The following SDK1 variants were observed in gnomAD, a reference collection of about 807,000 sequenced individuals.
SDK1 encodes sidekick cell adhesion molecule 1.
In SDK1, 157 loss-of-function variants were observed where a neutral mutation model predicts 245.5. The observed-to-expected ratio is 0.64, with a 90% CI of 0.56 to 0.73. The LOEUF is 0.73. Among genes scored for constraint, SDK1 ranks in the 30% least tolerant of loss-of-function variants. SDK1 has a pLI of 0.00. For synonymous variants in SDK1, 1,647 were observed against 1,278.5 expected (o/e 1.29, Z -6.15); for missense variants, 3,583 against 3,002.3 (o/e 1.19, Z -4.52).
At chr7:3,393,235 G>C (rs1262350731) in intron 1 of SDK1, among the ~76,000 whole-genome samples, 3 of 151,982 alleles carry the variant, frequency 2.0e-5, no homozygotes, top group African/African-American at 7.3e-5. Flanking sequence ...GCCTCCCACA[G>C]TGCTGGGATT....
At chr7:3,439,275 C>T (rs1780124484) in intron 1 of SDK1, among the ~76,000 whole-genome samples, 1 of 152,134 alleles carries the variant, frequency 6.6e-6, no homozygotes, top group Admixed American at 6.6e-5. Flanking sequence ...CCTGAGTGAA[C>T]ATTTCATCTA....
At chr7:4,001,023 A>G (rs1366321945) in intron 14 of SDK1, among the ~76,000 whole-genome samples, 1 of 151,988 alleles carries the variant, frequency 6.6e-6, no homozygotes, top group Admixed American at 6.6e-5. Flanking sequence ...GGGGTCAGAG[A>G]GCCCAGGGTG....
chr7:3,304,774 A>C (rs1372552103), intron 1 of SDK1, among the ~76,000 whole-genome samples: 1 of 152,118 alleles, frequency 6.6e-6, no homozygotes, highest in East Asian at 1.9e-4. Flanking sequence ...ACACCTGCTG[A>C]CTTCCTGGAA....
At position 3,837,574 on chromosome 7, in the gene SDK1, T is replaced by C. The variant is rs73310064; in HGVS notation, c.847+15991T>C. Among the ~76,000 whole-genome samples, 442 of 152,326 alleles carry C rather than the reference T, an allele frequency of 2.9e-3. 4 individuals carry two copies. The highest frequency in any genetic ancestry group is 0.01 in the African/African-American group (422 of 41,572). On this transcript the variant is annotated intron_variant, in intron 5 of 44. Transcript: ENST00000404826. ...CTTGAGGTAAGTTGGGTGTTTGTGT[T>C]AGAAAACTTCCCATTTGGAGAGAAA...
At chr7:3,738,579 A>G (rs372842049) in intron 4 of SDK1, among the ~76,000 whole-genome samples, 2 of 152,220 alleles carry the variant, frequency 1.3e-5, no homozygotes, top group Admixed American at 6.5e-5. Context: ...AGAAAATGCC[A>G]TTAGGAATTT....
At chr7:4,066,927 T>C (rs1181007818) in intron 19 of SDK1, among the ~76,000 whole-genome samples, 1 of 152,244 alleles carries the variant, frequency 6.6e-6, no homozygotes, top group African/African-American at 2.4e-5. Context: ...ACTCATGTTT[T>C]AGACTCTCAG....
chr7:3,480,475 G>C (rs532288052), intron 1 of SDK1, among the ~76,000 whole-genome samples: 2 of 151,060 alleles, frequency 1.3e-5, no homozygotes, highest in Non-Finnish European at 3.0e-5. Flanking sequence ...TGCCTGCCTC[G>C]TGCACATACG....
intron 4 of SDK1, among the ~76,000 whole-genome samples, chr7:3,669,417 C>G (rs535746484): frequency 5.5e-4 from 84 of 152,256 alleles, no homozygotes; most frequent in Non-Finnish European, 1.0e-3. Context: ...CTTCTGCTCC[C>G]ACCAAAACAG....
chr7:3,821,335 C>A, intron 4 of SDK1, 115 bp from the exon 5 acceptor site: 1 of 1,216,022 alleles, frequency 8.2e-7, no homozygotes, highest in Non-Finnish European at 1.1e-6. Context: ...TTTGTCCTTC[C>A]AGCTCTTCTT....
At chr7:3,918,216 A>AC (rs966619890) in intron 5 of SDK1, among the ~76,000 whole-genome samples, 4 of 151,670 alleles carry the variant, frequency 2.6e-5, no homozygotes, top group Middle Eastern at 3.2e-3. Context: ...GGGGTTCCCA[A>AC]CCCCCCCAGC....
In SDK1 at chr7:3,441,187, T is replaced by C. The variant is rs376194846; in HGVS notation, c.298+139303T>C. ...ATTACAGTATGTTATAATTCTATTTTATTACTAGTTATTGTTAATATTTTA... is the reference window on the plus strand; with the variant it reads ...ATTACAGTATGTTATAATTCTATTTCATTACTAGTTATTGTTAATATTTTA... On this transcript the variant is annotated intron_variant, in intron 1 of 44. Transcript: ENST00000404826. Among the ~76,000 whole-genome samples, 13 of 152,328 alleles carry C rather than the reference T, an allele frequency of 8.5e-5. No homozygotes were observed. The East Asian group carries it at 1.3e-3, about 16-fold the overall frequency.
At chr7:3,928,250 GT>G (rs1032305497) in intron 5 of SDK1, among the ~76,000 whole-genome samples, 3 of 152,110 alleles carry the variant, frequency 2.0e-5, no homozygotes, top group Admixed American at 1.3e-4. Context: ...TACAAGTGGA[GT>G]TTTTTCGGTC....
intron 33 of SDK1, 149 bp downstream of exon 33, chr7:4,174,506 T>C: frequency 2.2e-6 from 2 of 898,088 alleles, no homozygotes; most frequent in South Asian, 1.6e-5. Context: ...CAGGCGGGTT[T>C]ACCCACCAGG....
At chr7:4,129,814 G>A in intron 26 of SDK1, 94 bp from the exon 27 acceptor site, 2 of 1,565,430 alleles carry the variant, frequency 1.3e-6, no homozygotes, top group Non-Finnish European at 1.7e-6. Flanking sequence ...ACAGTTGGCT[G>A]GGCCTTGATT....
intron 5 of SDK1, among the ~76,000 whole-genome samples, chr7:3,879,711 C>CT (rs1781160436): frequency 6.6e-6 from 1 of 152,164 alleles, no homozygotes; most frequent in Admixed American, 6.5e-5. Flanking sequence ...CATTTTTCTT[C>CT]TTTTCTTCCC....
intron 1 of SDK1, among the ~76,000 whole-genome samples, chr7:3,382,120 A>T (rs991920077): frequency 2.6e-5 from 4 of 151,314 alleles, no homozygotes; most frequent in Non-Finnish European, 4.4e-5. Context: ...TTTATTTTTT[A>T]TTTTTTTTCA....
At chr7:3,856,813 C>T (rs1780559683) in intron 5 of SDK1, among the ~76,000 whole-genome samples, 1 of 152,084 alleles carries the variant, frequency 6.6e-6, no homozygotes, top group East Asian at 1.9e-4. Context: ...ATGTTATATG[C>T]TACTTATAGG....
At chr7:4,230,325 G>C (rs1785675470) in intron 40 of SDK1, among the ~76,000 whole-genome samples, 1 of 147,934 alleles carries the variant, frequency 6.8e-6, no homozygotes, top group South Asian at 2.3e-4. Flanking sequence ...AGGATGAATG[G>C]ATGGATGGAT....
At chr7:4,252,111 G>A (rs1230396116) in intron 44 of SDK1, among the ~76,000 whole-genome samples, 1 of 151,980 alleles carries the variant, frequency 6.6e-6, no homozygotes, top group East Asian at 1.9e-4. Flanking sequence ...CAACGTGCAG[G>A]TTTGTTACAT....
Sources: gnomAD v4.1 joint callset for allele counts (sites outside exome capture counted in the v4.1 genomes callset) on GRCh38, gnomAD v4.1.1 for gene constraint, MANE v1.5 for transcripts, NCBI Gene and HGNC (gene_info 2026-07-23, HGNC 2026-07-21) for gene names.